The following GPATCH2 variants were observed in gnomAD, a reference collection of about 807,000 sequenced individuals.
The protein encoded by GPATCH2 is G-patch domain containing 2, also known as G patch domain-containing protein 2.
A neutral mutation model predicts 58.0 loss-of-function variants in GPATCH2; 51 were observed. That is an observed-to-expected ratio of 0.88 (90% CI 0.70 to 1.11). GPATCH2 has a LOEUF of 1.11. Among genes scored for constraint, GPATCH2 ranks in the 50% most tolerant of loss-of-function variants. GPATCH2 has a pLI of 0.00. For missense variants in GPATCH2, 625 were observed against 652.2 expected, an observed-to-expected ratio of 0.96 and a Z score of 0.45; for synonymous variants, 222 against 218.5, an observed-to-expected ratio of 1.02 and a Z score of -0.14.
Position 217,620,419 on chromosome 1 carries a change from C to A in GPATCH2, c.137G>T (p.Gly46Val). Residue 46 changes from glycine (G) to valine (V), a missense_variant, in exon 2 of 10, where the codon GGA (glycine) becomes GTA (valine). Transcript: ENST00000366935. ...LEESSEQARG[G>V]FAETGDHSRS... is the part of the protein sequence containing the mutation. The stretch of plus-strand genomic sequence containing the variant: ...AGAATGGTCTCCTGTTTCAGCAAAT[C>A]CACCTCGAGCTTGCTCTGAGCTCTC... The A allele has an allele frequency of 6.2e-7, 1 of 1,614,046 alleles. No individual in the cohort carries two copies. Among genetic ancestry groups the A allele is most frequent in the Non-Finnish European group, 8.5e-7 (1 of 1,179,960 alleles).
At chr1:217,468,043 G>A (rs1369436352) in intron 8 of GPATCH2, among the ~76,000 whole-genome samples, 1 of 152,120 alleles carries the variant, frequency 6.6e-6, no homozygotes, top group Non-Finnish European at 1.5e-5. Context: ...AAAATGTTAG[G>A]AACCAATTCA....
chr1:217,454,516 A>G (rs1342271491), intron 8 of GPATCH2, among the ~76,000 whole-genome samples: 181 of 147,868 alleles, frequency 1.2e-3, no homozygotes, highest in African/African-American at 4.0e-3. Flanking sequence ...GTGAACCCGG[A>G]AGGCAGAGCT....
chr1:217,436,600 CAATA>C (rs1658846130), intron 9 of GPATCH2, among the ~76,000 whole-genome samples: 1 of 152,100 alleles, frequency 6.6e-6, no homozygotes, highest in Non-Finnish European at 1.5e-5. Context: ...TGTATATGAA[CAATA>C]TATCGCACTT....
intron 5 of GPATCH2, among the ~76,000 whole-genome samples, chr1:217,553,698 G>A (rs1326845760): frequency 6.6e-6 from 1 of 152,118 alleles, no homozygotes; most frequent in African/African-American, 2.4e-5. Context: ...CAACACAAAA[G>A]CCTCACATGA....
At chr1:217,627,016 GA>G (rs1162510903) in intron 1 of GPATCH2, among the ~76,000 whole-genome samples, 1 of 151,694 alleles carries the variant, frequency 6.6e-6, no homozygotes, top group African/African-American at 2.4e-5. Flanking sequence ...AAACTACAGA[GA>G]ACATGAGCTT....
intron 8 of GPATCH2, among the ~76,000 whole-genome samples, chr1:217,482,506 G>A (rs1661257824): frequency 6.6e-6 from 1 of 152,080 alleles, no homozygotes; most frequent in Non-Finnish European, 1.5e-5. Context: ...ATGTGAGTGT[G>A]GATGGTGTGC....
Position 217,535,032 on chromosome 1 carries a change from C to T in GPATCH2, c.1099-20143G>A, listed in dbSNP as rs1571877206. Among the ~76,000 whole-genome samples the T allele has an allele frequency of 2.0e-5, 3 of 152,250 alleles. No individual in the cohort carries two copies. In the South Asian group the frequency reaches 6.2e-4, roughly 32 times the overall value. Reference sequence around the variant, plus strand: ...TATGAAAATTACATGAGTTAATACACATAAAGTGCTTGGAAAAATGCCTGG... The same window carrying T: ...TATGAAAATTACATGAGTTAATACATATAAAGTGCTTGGAAAAATGCCTGG... On this transcript the variant is annotated intron_variant, in intron 5 of 9. Transcript: ENST00000366935.
At chr1:217,455,726 C>T (rs1380936881) in intron 8 of GPATCH2, among the ~76,000 whole-genome samples, 4 of 152,082 alleles carry the variant, frequency 2.6e-5, no homozygotes, top group Non-Finnish European at 5.9e-5. Context: ...GTCCCACCCT[C>T]AAGCCTGGAA....
At chr1:217,559,592 A>C (rs1240301219) in intron 5 of GPATCH2, among the ~76,000 whole-genome samples, 1 of 152,202 alleles carries the variant, frequency 6.6e-6, no homozygotes, top group Admixed American at 6.5e-5. Flanking sequence ...GGAAAAAAGG[A>C]AGGGTAGAAA....
chr1:217,463,246 T>C (rs1372143896), intron 8 of GPATCH2, among the ~76,000 whole-genome samples: 1 of 152,190 alleles, frequency 6.6e-6, no homozygotes. Context: ...TCATTTATGT[T>C]AACATGGCAG....
At chr1:217,467,329 A>C (rs1015660207) in intron 8 of GPATCH2, among the ~76,000 whole-genome samples, 1 of 152,370 alleles carries the variant, frequency 6.6e-6, no homozygotes. Flanking sequence ...TACATTAAAA[A>C]GAAACCTGTT....
At chr1:217,615,918 C>G (rs977309359) in intron 2 of GPATCH2, among the ~76,000 whole-genome samples, 5 of 152,032 alleles carry the variant, frequency 3.3e-5, no homozygotes, top group Non-Finnish European at 7.4e-5. Flanking sequence ...AGATTTACCC[C>G]TCTCTAATCT....
intron 9 of GPATCH2, among the ~76,000 whole-genome samples, chr1:217,433,015 C>A (rs574132487): frequency 6.6e-6 from 1 of 152,234 alleles, no homozygotes; most frequent in Non-Finnish European, 1.5e-5. Flanking sequence ...CAGCTGTTGA[C>A]ATAACCACTT....
chr1:217,609,651 C>A, intron 5 of GPATCH2: 1 of 977,070 alleles, frequency 1.0e-6, no homozygotes, highest in South Asian at 4.7e-5. Flanking sequence ...GTTAAAATAC[C>A]CTGAGTAAAA....
rs1658433656 is a variant in GPATCH2, at chr1:217,429,297, G to A, written c.*1848C>T. 1.3e-5 allele frequency: 2 copies of A among 152,140 alleles called. No homozygotes were observed. 9.4% of individuals were successfully genotyped at this position (152,140 alleles called of 1,614,324 possible). Reference sequence around the variant, plus strand: ...TGATACCATGGGGTTACTTTATCCAGTAAGAATGCTTCAAAAGAACATCTC... The same window carrying A: ...TGATACCATGGGGTTACTTTATCCAATAAGAATGCTTCAAAAGAACATCTC... On this transcript the variant is annotated 3_prime_UTR_variant, in exon 10 of 10. Transcript: ENST00000366935.
chr1:217,493,941 C>T (rs1310127993), intron 7 of GPATCH2, among the ~76,000 whole-genome samples: 1 of 150,922 alleles, frequency 6.6e-6, no homozygotes, highest in East Asian at 1.9e-4. Flanking sequence ...AACTCAAAAT[C>T]CCAAACCAAA....
chr1:217,477,944 C>T (rs1452689666), intron 8 of GPATCH2, among the ~76,000 whole-genome samples: 1 of 152,106 alleles, frequency 6.6e-6, no homozygotes. Flanking sequence ...CTTCATGAGG[C>T]TCAGAACAAG....
intron 8 of GPATCH2, among the ~76,000 whole-genome samples, chr1:217,457,198 G>C (rs1470280781): frequency 6.6e-6 from 1 of 152,168 alleles, no homozygotes; most frequent in Non-Finnish European, 1.5e-5. Context: ...GCATTGGTTT[G>C]ATTTGCATTT....
intron 5 of GPATCH2, among the ~76,000 whole-genome samples, chr1:217,554,928 A>G (rs1665547694): frequency 6.6e-6 from 1 of 152,190 alleles, no homozygotes; most frequent in Admixed American, 6.5e-5. Flanking sequence ...TTTTGCCTGT[A>G]CTATTGAGCA....
Sources: allele counts gnomAD v4.1 joint callset (sites outside exome capture counted in the v4.1 genomes callset), GRCh38; gene constraint gnomAD v4.1.1; transcripts MANE v1.5; gene names NCBI Gene and HGNC (gene_info 2026-07-23, HGNC 2026-07-21).